PARP16: variants seen among roughly 807,000 people sequenced by gnomAD.
PARP16 encodes protein mono-ADP-ribosyltransferase PARP16.
Under a neutral mutation model 35.0 loss-of-function variants are expected in PARP16, and 31 were observed. The ratio of observed to expected loss-of-function variants is 0.88; its 90% CI spans 0.66 to 1.19. PARP16 has a LOEUF of 1.19. Among genes scored for constraint, PARP16 ranks in the 50% most tolerant of loss-of-function variants. The pLI is 0.00. For synonymous variants in PARP16, 162 were observed against 169.5 expected (o/e 0.96, Z 0.34); for missense variants, 424 against 411.2 (o/e 1.03, Z -0.27).
chr15:65,263,487 GGTTAT>G (rs955328361), intron 3 of PARP16, among the ~76,000 whole-genome samples, 167 bp from the exon 4 acceptor site: 5 of 152,136 alleles, frequency 3.3e-5, no homozygotes, highest in African/African-American at 1.2e-4. Flanking sequence ...ATCATCACAG[GGTTAT>G]TACTAAACAC....
downstream of PARP16, among the ~76,000 whole-genome samples, chr15:65,232,821 TGAG>T (rs1335603618): frequency 1.3e-5 from 2 of 151,866 alleles, no homozygotes; most frequent in African/African-American, 4.8e-5. Flanking sequence ...TTTGGAAGGC[TGAG>T]GAGGGAGGAT....
intron 5 of PARP16, among the ~76,000 whole-genome samples, chr15:65,260,291 C>T (rs948224882): frequency 6.6e-6 from 1 of 152,138 alleles, no homozygotes; most frequent in African/African-American, 2.4e-5. Flanking sequence ...AACAATGCAA[C>T]AAAATCTCAA....
rs769604861 is a variant in PARP16, at chr15:65,266,573, G to A, written c.508C>T (p.His170Tyr). 6 of 1,613,580 alleles carry A rather than the reference G, an allele frequency of 3.7e-6. No homozygotes were observed. In the South Asian group the frequency reaches 4.4e-5, roughly 12 times the overall value. ...CCCTTAGGCCCCACCTTGTTCAGAT[G>A]GCAGTGCAGGCCATTGTGGATAATG... ...HSIIHNGLHC[H>Y]LNKTSLFGEG... The change falls in exon 3 of 6, where the codon CAT (histidine) becomes TAT (tyrosine). Residue 170 changes from histidine (H) to tyrosine (Y), a missense_variant. By Grantham distance (83) the His-to-Tyr change is moderately conservative (BLOSUM62 2). Transcript: ENST00000649807.
chr15:65,243,882 G>GT (rs2089141619), intron 3 of PARP16, among the ~76,000 whole-genome samples: 1 of 151,886 alleles, frequency 6.6e-6, no homozygotes, highest in Non-Finnish European at 1.5e-5. Flanking sequence ...CTCCTGTCTG[G>GT]TAGGCTCCTG....
chr15:65,278,142 GA>G (rs1319615845), intron 1 of PARP16, among the ~76,000 whole-genome samples: 2 of 152,162 alleles, frequency 1.3e-5, no homozygotes, highest in African/African-American at 4.8e-5. Context: ...CCCAGGGCCC[GA>G]GAGGTAAAGA....
At chr15:65,267,024 T>A (rs1567027006) in intron 2 of PARP16, among the ~76,000 whole-genome samples, 1 of 145,900 alleles carries the variant, frequency 6.9e-6, no homozygotes, top group Non-Finnish European at 1.5e-5. Flanking sequence ...GGTGGATCAT[T>A]TGAGGTCAGG....
At chr15:65,241,669 T>G (rs551482436) in intron 3 of PARP16, among the ~76,000 whole-genome samples, 1 of 152,302 alleles carries the variant, frequency 6.6e-6, no homozygotes, top group South Asian at 2.1e-4. Context: ...CCGTTGAAAA[T>G]TTTTGTTCAT....
rs56289267 is a variant in PARP16 at position 65,277,150 on chromosome 15, C to T, written c.175-6078G>A. 7.9e-5 allele frequency among the ~76,000 whole-genome samples: 12 copies of T among 152,252 alleles called. No individual in the cohort carries two copies. In the South Asian group the frequency reaches 2.5e-3, roughly 32 times the overall value. On this transcript the variant is annotated intron_variant, in intron 1 of 5. Coordinates refer to ENST00000649807, the MANE Select transcript of PARP16 (RefSeq NM_001316943.2). ...CCTGCCACTAACTCCCTCCCCACCC[C>T]CAATGCTATTCCTCATGTGACCTAT...
intron 3 of PARP16, among the ~76,000 whole-genome samples, chr15:65,246,330 C>T (rs2089207741): frequency 6.6e-6 from 1 of 152,222 alleles, no homozygotes. Context: ...CCCCAACTCT[C>T]CTTGTACCTG....
intron 3 of PARP16, among the ~76,000 whole-genome samples, chr15:65,264,112 G>A (rs575741996): frequency 6.6e-6 from 1 of 152,214 alleles, no homozygotes; most frequent in Non-Finnish European, 1.5e-5. Context: ...TATTGGGGTT[G>A]ACCAAGAAAA....
chr15:65,267,281 G>A (rs1274516928), intron 2 of PARP16, among the ~76,000 whole-genome samples: 1 of 151,072 alleles, frequency 6.6e-6, no homozygotes, highest in Non-Finnish European at 1.5e-5. Flanking sequence ...TTTCCCTACA[G>A]TAGGCTGAGA....
downstream of PARP16, among the ~76,000 whole-genome samples, chr15:65,253,114 CAA>C (rs978800466): frequency 7.3e-6 from 1 of 136,272 alleles, no homozygotes; most frequent in East Asian, 2.2e-4. Context: ...GCCTGGGAGA[CAA>C]GAGTGAAACT....
intron 2 of PARP16, 75 bp downstream of exon 2, chr15:65,270,860 A>G: frequency 6.9e-7 from 1 of 1,448,538 alleles, no homozygotes; most frequent in Non-Finnish European, 9.6e-7. Context: ...GGGAAGTCTC[A>G]GAGCCACTGG....
chr15:65,233,644 G>A (rs1166097230), downstream of PARP16, among the ~76,000 whole-genome samples: 1 of 151,440 alleles, frequency 6.6e-6, no homozygotes, highest in Admixed American at 6.6e-5. Context: ...GCTGAGGCAC[G>A]AGAATCCCTT....
At chr15:65,260,753 T>A (rs2089682807) in intron 5 of PARP16, 132 bp downstream of exon 5, 2 of 752,126 alleles carry the variant, frequency 2.7e-6, no homozygotes, top group Admixed American at 4.4e-5. Flanking sequence ...CTTCTCACCG[T>A]GTCCAGCATG....
At chr15:65,245,952 C>T (rs1047086910) in intron 3 of PARP16, among the ~76,000 whole-genome samples, 6 of 152,108 alleles carry the variant, frequency 3.9e-5, no homozygotes, top group Non-Finnish European at 5.9e-5. Context: ...GGTGAGGGGC[C>T]GTCACAATGA....
At chr15:65,240,152 T>TC (rs1337645694) in intron 3 of PARP16, among the ~76,000 whole-genome samples, 3 of 150,808 alleles carry the variant, frequency 2.0e-5, no homozygotes, top group Non-Finnish European at 3.0e-5. Flanking sequence ...TCTTTTCTTT[T>TC]TTTTGTTTTG....
intron 1 of PARP16, among the ~76,000 whole-genome samples, chr15:65,277,174 A>G (rs1156858489): frequency 2.6e-5 from 4 of 151,968 alleles, no homozygotes; most frequent in Admixed American, 6.6e-5. Flanking sequence ...CATGTGACCT[A>G]TGGTTTTCTT....
chr15:65,248,299 A>C (rs2089264877), intron 2 of PARP16: 1 of 456,252 alleles, frequency 2.2e-6, no homozygotes, highest in African/African-American at 2.0e-5. Context: ...ATAAATCAAG[A>C]ATGAGTGAAT....
Sources: gnomAD v4.1 joint callset for allele counts (sites outside exome capture counted in the v4.1 genomes callset) on GRCh38, gnomAD v4.1.1 for gene constraint, MANE v1.5 for transcripts, NCBI Gene and HGNC (gene_info 2026-07-23, HGNC 2026-07-21) for gene names.